PDE4DIP: variants seen among roughly 807,000 people sequenced by gnomAD.
PDE4DIP encodes the protein phosphodiesterase 4D interacting protein, also known as myomegalin.
In PDE4DIP, 59 loss-of-function variants were observed where a neutral mutation model predicts 221.4. The observed-to-expected ratio is 0.27, with a 90% CI of 0.22 to 0.33. The LOEUF (loss-of-function observed/expected upper bound fraction) is 0.33. PDE4DIP is among the 10% of genes least tolerant of loss of function. The pLI, the probability that PDE4DIP is intolerant of heterozygous loss-of-function variation, is 1.00. For synonymous variants in PDE4DIP, 404 were observed against 815.9 expected (o/e 0.50, Z 8.60); for missense variants, 1,036 against 2,154.2 (o/e 0.48, Z 10.28).
In PDE4DIP at chr1:148,985,193, T is replaced by A. The variant is rs1574873912; in HGVS notation, c.2815+3796T>A. Reference sequence around the variant, plus strand: ...CTCTCAGGGTTAAAGCTCAGTGAGCTTTTCTTTTCTCTTTGGTAGTGTGGA... The same window carrying A: ...CTCTCAGGGTTAAAGCTCAGTGAGCATTTCTTTTCTCTTTGGTAGTGTGGA... On this transcript the variant is annotated intron_variant, in intron 21 of 43. Transcript: ENST00000369354. 5 of 152,274 alleles carry A rather than the reference T, an allele frequency of 3.3e-5. No homozygotes were observed. The East Asian group carries it at 9.6e-4, about 29-fold the overall frequency. The allele number at this position is 152,274 out of a possible 1,614,324, so 9.4% of individuals were successfully genotyped here.
intron 30 of PDE4DIP, 130 bp from the exon 34 acceptor site, chr1:149,010,313 A>G: frequency 1.5e-6 from 1 of 671,904 alleles, no homozygotes; most frequent in South Asian, 1.8e-5. Context: ...GAACACTGCT[A>G]ACAGTGCTTG....
chr1:149,031,998 A>G (rs2076881532), exon 44 of PDE4DIP: 2 of 1,610,434 alleles, frequency 1.2e-6, no homozygotes, highest in African/African-American at 1.3e-5. Context: ...CTTGCCTTCC[A>G]GGAACCATGC....
rs373404161 is a variant in PDE4DIP at position 148,969,528 on chromosome 1, A to G, written c.1980+498A>G. On this transcript the variant is annotated intron_variant, in intron 14 of 43. Transcript: ENST00000369354. ...ATTCTAAATTGTTAAGACTTGAGTG[A>G]TATTTTGCATTTCCAGTCAAGGTAT... is the stretch of plus-strand genomic sequence containing the variant. Among the ~76,000 whole-genome samples the G allele has an allele frequency of 2.9e-4, 44 of 152,148 alleles. No homozygotes were observed. In the East Asian group the frequency reaches 7.0e-3, roughly 24 times the overall value.
At chr1:149,020,820 G>T (rs1284607726) in intron 36 of PDE4DIP, 1 of 556,262 alleles carries the variant, frequency 1.8e-6, no homozygotes, top group Admixed American at 3.0e-5. Context: ...TTCAAGCAAA[G>T]TTACTTGACC....
At chr1:148,998,758 A>G (rs1326241196) in intron 23 of PDE4DIP, among the ~76,000 whole-genome samples, 1 of 146,060 alleles carries the variant, frequency 6.8e-6, no homozygotes, top group African/African-American at 2.5e-5. Flanking sequence ...TTTCGTTGAG[A>G]TAGAATCTCG....
intron 2 of PDE4DIP, among the ~76,000 whole-genome samples, chr1:148,865,201 G>A (rs1200727149): frequency 7.5e-6 from 1 of 133,508 alleles, no homozygotes. Context: ...CAATTCTCCT[G>A]CCTCAGCCTC....
chr1:148,982,604 T>G (rs1226280231), intron 21 of PDE4DIP: 1 of 152,228 alleles, frequency 6.6e-6, no homozygotes, highest in Non-Finnish European at 1.5e-5. Context: ...CCAAGATTGC[T>G]TTGCAGCTTT....
chr1:149,028,292 G>A (rs1229047783), intron 40 of PDE4DIP, among the ~76,000 whole-genome samples: 7 of 147,422 alleles, frequency 4.7e-5, no homozygotes, highest in Non-Finnish European at 1.0e-4. Flanking sequence ...TACAAATGTG[G>A]TCATTTATCT....
chr1:149,030,130 A>T (rs2076317418), intron 42 of PDE4DIP, 102 bp from the exon 46 acceptor site: 10 of 1,012,420 alleles, frequency 9.9e-6, no homozygotes, highest in Admixed American at 2.1e-5. Context: ...CTCCAAGCTG[A>T]ATAGCCAGAA....
chr1:149,025,432 G>T lies in PDE4DIP; in HGVS notation c.6325+748G>T, dbSNP rs1385706777. Among the ~76,000 whole-genome samples, 236 of 152,150 alleles carry T rather than the reference G, an allele frequency of 1.6e-3. 1 individual carries two copies. The highest frequency in any genetic ancestry group is 2.7e-3 in the Non-Finnish European group (187 of 68,016). ...GATGGTGGGTGATTTATTTCGGGTG[G>T]TCATCATTCGCTTTCTCTACCCCAC... On this transcript the variant is annotated intron_variant, in intron 38 of 43. Coordinates refer to ENST00000369354, the Ensembl canonical transcript of PDE4DIP.
chr1:149,013,110 C>T (rs1184060558), intron 32 of PDE4DIP, among the ~76,000 whole-genome samples: 1 of 152,208 alleles, frequency 6.6e-6, no homozygotes, highest in East Asian at 1.9e-4. Flanking sequence ...AGATGTTATG[C>T]TTTGCCTATG....
At chr1:148,923,617 G>C (rs1386943279) in intron 1 of PDE4DIP, among the ~76,000 whole-genome samples, 1 of 144,894 alleles carries the variant, frequency 6.9e-6, no homozygotes, top group African/African-American at 2.7e-5. Flanking sequence ...GGGACTACAG[G>C]AGCCCGCCAC....
chr1:148,820,429 G>A (rs1256606136), intron 1 of PDE4DIP, among the ~76,000 whole-genome samples: 4 of 148,730 alleles, frequency 2.7e-5, no homozygotes, highest in South Asian at 2.2e-4. Flanking sequence ...TTAGCCGGGC[G>A]TGGTGGCAGG....
intron 1 of PDE4DIP, among the ~76,000 whole-genome samples, chr1:148,918,454 G>T (rs1271007186): frequency 9.7e-6 from 1 of 103,220 alleles, no homozygotes; most frequent in African/African-American, 4.2e-5. Context: ...CTGTGATTCT[G>T]TCTGTTTTGC....
rs587692005 is a variant in PDE4DIP at position 149,012,823 on chromosome 1, G to C, written c.5266+47G>C. 3 of 1,189,482 alleles carry C rather than the reference G, an allele frequency of 2.5e-6. No homozygotes were observed. The East Asian group carries it at 7.2e-5, about 29-fold the overall frequency. The allele number at this position is 1,189,482 out of a possible 1,614,324, so 73.7% of individuals were successfully genotyped here. On this transcript the variant is annotated intron_variant, in intron 32 of 43. Transcript: ENST00000369354. ...TGCTTGCGATTGGCAGCCCCACACT[G>C]TGTTGCTCTGCATGGCTCGGGCTGG...
At chr1:148,877,100 G>A (rs1419281564) in intron 3 of PDE4DIP, among the ~76,000 whole-genome samples, 1 of 147,344 alleles carries the variant, frequency 6.8e-6, no homozygotes, top group Non-Finnish European at 1.5e-5. Context: ...TAGTACTCAA[G>A]GTGAGGATTA....
intron 23 of PDE4DIP, among the ~76,000 whole-genome samples, chr1:149,000,500 G>A (rs1299625531): frequency 6.6e-6 from 1 of 151,484 alleles, no homozygotes; most frequent in Non-Finnish European, 1.5e-5. Flanking sequence ...GTTGCAGTGA[G>A]CCAAGATCTC....
chr1:148,965,401 A>G, intron 9 of PDE4DIP, 83 bp from the exon 13 acceptor site: 1 of 815,406 alleles, frequency 1.2e-6, no homozygotes, highest in Non-Finnish European at 2.0e-6. Flanking sequence ...CAGTTTATAT[A>G]CCTTGAAAAT....
intron 22 of PDE4DIP, among the ~76,000 whole-genome samples, chr1:148,997,884 T>C (rs2296231): frequency 2.0e-5 from 3 of 152,260 alleles, no homozygotes; most frequent in African/African-American, 7.2e-5. Flanking sequence ...TAATTTCTTA[T>C]GTGCTTTTCT....
Sources: gnomAD v4.1 joint callset for allele counts (sites outside exome capture counted in the v4.1 genomes callset) on GRCh38, gnomAD v4.1.1 for gene constraint, MANE v1.5 for transcripts, NCBI Gene and HGNC (gene_info 2026-07-23, HGNC 2026-07-21) for gene names.